Variants in CIRSR observed in about 807,000 individuals in gnomAD.
CIRSR encodes the protein CBF1 (RBPJ) interacting corepressor 1.
chr2:174,376,127 C>T, the CIRSR span, among the ~76,000 whole-genome samples: 4 of 152,322 alleles, frequency 2.6e-5, no homozygotes, highest in East Asian at 7.7e-4. Context: ...TTTCAACGTG[C>T]TGGGATTACA....
At chr2:174,358,326 A>T in the CIRSR span, 1 of 151,604 alleles carries the variant, frequency 6.6e-6, no homozygotes, top group Non-Finnish European at 1.5e-5. Flanking sequence ...TGCAACTTCC[A>T]CCTCCTGGGT....
the CIRSR span, among the ~76,000 whole-genome samples, chr2:174,379,297 G>A: frequency 4.6e-5 from 7 of 152,108 alleles, no homozygotes; most frequent in Non-Finnish European, 7.4e-5. Flanking sequence ...AAAAGAAATG[G>A]TAAAATACCA....
chr2:174,384,568 A>AT, the CIRSR span, among the ~76,000 whole-genome samples: 1 of 152,088 alleles, frequency 6.6e-6, no homozygotes, highest in Non-Finnish European at 1.5e-5. Context: ...TTATATGTGT[A>AT]TTTTTTATTT....
chr2:174,353,181 T>C, the CIRSR span, among the ~76,000 whole-genome samples: 1 of 151,908 alleles, frequency 6.6e-6, no homozygotes, highest in Admixed American at 6.6e-5. Context: ...ATTATTGGAG[T>C]ATGGGGGAAG....
the CIRSR span, among the ~76,000 whole-genome samples, chr2:174,377,801 G>A: frequency 2.4e-5 from 3 of 123,322 alleles, no homozygotes; most frequent in South Asian, 2.8e-4. Flanking sequence ...CTCCAGCCTG[G>A]GCAACAGAGC....
the CIRSR span, among the ~76,000 whole-genome samples, chr2:174,350,321 T>C: frequency 6.6e-6 from 1 of 152,214 alleles, no homozygotes; most frequent in African/African-American, 2.4e-5. Context: ...TTACAAAACA[T>C]TTTAAAAATG....
At chr2:174,390,257 C>T in the CIRSR span, among the ~76,000 whole-genome samples, 1 of 152,250 alleles carries the variant, frequency 6.6e-6, no homozygotes, top group African/African-American at 2.4e-5. Flanking sequence ...GGGAGCCTAC[C>T]TCTTGCATCA....
At chr2:174,349,934 T>G in the CIRSR span, among the ~76,000 whole-genome samples, 1 of 152,200 alleles carries the variant, frequency 6.6e-6, no homozygotes, top group Non-Finnish European at 1.5e-5. Context: ...CAAGAGAATA[T>G]TCTCCAGAAA....
At chr2:174,348,396 A>G in the CIRSR span, 1 of 1,492,622 alleles carries the variant, frequency 6.7e-7, no homozygotes, top group Admixed American at 2.5e-5. Context: ...GAAAGACAAC[A>G]GTACATAATT....
chr2:174,395,236 G>A, the CIRSR span, among the ~76,000 whole-genome samples: 7 of 152,190 alleles, frequency 4.6e-5, no homozygotes, highest in Admixed American at 4.6e-4. Flanking sequence ...CCTGGGATCC[G>A]AAAAGACAAA....
chr2:174,356,353 A>G, the CIRSR span, among the ~76,000 whole-genome samples: 1 of 151,964 alleles, frequency 6.6e-6, no homozygotes, highest in South Asian at 2.1e-4. Context: ...CTATACTCCC[A>G]GCTACTAGAG....
chr2:174,374,676 ACCTG>A, the CIRSR span, among the ~76,000 whole-genome samples: 1 of 152,206 alleles, frequency 6.6e-6, no homozygotes, highest in Non-Finnish European at 1.5e-5. Context: ...CTGGCTGTAA[ACCTG>A]GCAGCTGTGT....
the CIRSR span, among the ~76,000 whole-genome samples, chr2:174,362,086 C>A: frequency 6.6e-6 from 1 of 152,150 alleles, no homozygotes; most frequent in East Asian, 1.9e-4. Flanking sequence ...ACACTTGAAC[C>A]TGGGAGTTTG....
the CIRSR span, among the ~76,000 whole-genome samples, chr2:174,373,830 G>A: frequency 7.7e-5 from 2 of 26,052 alleles, no homozygotes; most frequent in South Asian, 0.014. Flanking sequence ...CTATCCCCCT[G>A]TGTGTGTGTG....
At chr2:174,384,229 T>C in the CIRSR span, among the ~76,000 whole-genome samples, 1 of 152,206 alleles carries the variant, frequency 6.6e-6, no homozygotes, top group African/African-American at 2.4e-5. Context: ...ACAACATATA[T>C]GAACCTTGGA....
the CIRSR span, chr2:174,348,678 C>T: frequency 1.5e-5 from 24 of 1,614,202 alleles, no homozygotes; most frequent in African/African-American, 1.3e-4. Flanking sequence ...ACTTCTGCTC[C>T]GGCTTCTCCG....
At chr2:174,392,102 A>G in the CIRSR span, among the ~76,000 whole-genome samples, 1 of 152,064 alleles carries the variant, frequency 6.6e-6, no homozygotes, top group South Asian at 2.1e-4. Context: ...GGTTCATGCG[A>G]TTCTCCCACC....
chr2:174,371,410 A>G, the CIRSR span, among the ~76,000 whole-genome samples: 3 of 152,246 alleles, frequency 2.0e-5, no homozygotes, highest in Non-Finnish European at 2.9e-5. Context: ...AATGATAAGA[A>G]TAAGGGCTAT....
chr2:174,369,810 G>A, the CIRSR span, among the ~76,000 whole-genome samples: 3 of 152,056 alleles, frequency 2.0e-5, no homozygotes, highest in South Asian at 4.1e-4. Context: ...TGCAGTTTGC[G>A]GCATCTCAAC....
Sources: gnomAD v4.1 joint callset for allele counts (sites outside exome capture counted in the v4.1 genomes callset) on GRCh38, gnomAD v4.1.1 for gene constraint, MANE v1.5 for transcripts, NCBI Gene and HGNC (gene_info 2026-07-23, HGNC 2026-07-21) for gene names.